Variants in MMP26 observed in about 807,000 individuals in gnomAD.
The protein encoded by MMP26 is matrix metalloproteinase-26.
In MMP26, 33 loss-of-function variants were observed where a neutral mutation model predicts 31.0. That is an observed-to-expected ratio of 1.06 (90% CI 0.81 to 1.42). MMP26 has a LOEUF of 1.42. Among genes scored for constraint, MMP26 ranks in the 40% most tolerant of loss-of-function variants. MMP26 has a pLI of 0.00. For synonymous variants in MMP26, 122 were observed against 114.9 expected, an observed-to-expected ratio of 1.06 and a Z score of -0.40; for missense variants, 347 against 316.1, an observed-to-expected ratio of 1.10 and a Z score of -0.74.
intron 2 of MMP26, among the ~76,000 whole-genome samples, chr11:4,935,626 G>A (rs1314512985): frequency 6.6e-6 from 1 of 152,004 alleles, no homozygotes; most frequent in Non-Finnish European, 1.5e-5. Flanking sequence ...GAATAGGAGT[G>A]GTGAGAGAGG....
intron 2 of MMP26, among the ~76,000 whole-genome samples, chr11:4,834,368 A>G (rs1195052567): frequency 6.6e-6 from 1 of 152,140 alleles, no homozygotes; most frequent in Non-Finnish European, 1.5e-5. Context: ...ACTTTATGGC[A>G]TTGTGAATGG....
intron 2 of MMP26, among the ~76,000 whole-genome samples, chr11:4,900,464 A>G (rs924553946): frequency 8.5e-5 from 13 of 152,308 alleles, no homozygotes; most frequent in Middle Eastern, 6.8e-3. Flanking sequence ...TATTTAGTAG[A>G]AAGAGAAGTT....
chr11:4,860,131 T>A (rs1229198247), intron 2 of MMP26: 2 of 471,154 alleles, frequency 4.2e-6, no homozygotes, highest in South Asian at 3.1e-5. Flanking sequence ...TATTCCAGTC[T>A]TTCGAATAAC....
rs148799066 is a variant in MMP26, at chr11:4,974,177, T to G, written c.-144-13891T>G. ...TACAAGGACTACTGATCAACTGAGA[T>G]AATTATACAGGCGAACATTATCCAA... On this transcript the variant is annotated intron_variant, in intron 2 of 7. Transcript: ENST00000380390. Among the ~76,000 whole-genome samples the G allele has an allele frequency of 2.0e-4, 30 of 152,202 alleles. No individual in the cohort carries two copies. The East Asian group carries it at 5.6e-3, about 28-fold the overall frequency.
intron 2 of MMP26, among the ~76,000 whole-genome samples, chr11:4,782,124 G>T (rs1848872754): frequency 6.6e-6 from 1 of 152,224 alleles, no homozygotes; most frequent in Non-Finnish European, 1.5e-5. Context: ...AAATATGGAA[G>T]TGACTTTGGA....
intron 2 of MMP26, among the ~76,000 whole-genome samples, chr11:4,873,741 A>T (rs917458408): frequency 6.6e-6 from 1 of 151,976 alleles, no homozygotes; most frequent in African/African-American, 2.4e-5. Flanking sequence ...CCTGGTGCTT[A>T]TCTAAGTGCT....
At chr11:4,814,516 A>G (rs1364710887) in intron 2 of MMP26, among the ~76,000 whole-genome samples, 1 of 152,210 alleles carries the variant, frequency 6.6e-6, no homozygotes, top group African/African-American at 2.4e-5. Flanking sequence ...ATGCTTTAAT[A>G]TAATTTGGAG....
intron 2 of MMP26, chr11:4,804,476 A>T (rs1271952655): frequency 1.1e-6 from 1 of 949,626 alleles, no homozygotes; most frequent in South Asian, 1.3e-5. Flanking sequence ...AGGCTTTTGG[A>T]TGGGACTATT....
At chr11:4,892,532 T>C (rs1850640056) in intron 2 of MMP26, among the ~76,000 whole-genome samples, 1 of 152,200 alleles carries the variant, frequency 6.6e-6, no homozygotes, top group Non-Finnish European at 1.5e-5. Flanking sequence ...GTCAGGCCGA[T>C]CTTGATATTT....
chr11:4,776,066 G>A (rs192956061), intron 2 of MMP26, among the ~76,000 whole-genome samples: 2 of 152,168 alleles, frequency 1.3e-5, no homozygotes. Context: ...TTATTTCTGA[G>A]TTGCTTCTCT....
intron 2 of MMP26, among the ~76,000 whole-genome samples, chr11:4,774,328 G>A (rs1488523254): frequency 1.3e-5 from 2 of 152,106 alleles, no homozygotes; most frequent in African/African-American, 2.4e-5. Flanking sequence ...TCTGACTGGT[G>A]TGAGATGGTA....
intron 2 of MMP26, chr11:4,848,010 T>A: frequency 2.0e-6 from 1 of 511,316 alleles, no homozygotes; most frequent in South Asian, 3.4e-5. Context: ...CTCTGGCCCT[T>A]CCTATGTCAT....
intron 1 of MMP26, chr11:4,723,169 C>T: frequency 1.3e-6 from 2 of 1,596,980 alleles, no homozygotes; most frequent in South Asian, 2.2e-5. Context: ...CCCCACGCTG[C>T]TCGGCATCTG....
intron 2 of MMP26, among the ~76,000 whole-genome samples, chr11:4,922,544 C>G (rs1411383158): frequency 2.0e-5 from 3 of 152,058 alleles, no homozygotes; most frequent in Non-Finnish European, 2.9e-5. Flanking sequence ...CAAAATACAC[C>G]AAGAAAGAAA....
chr11:4,765,656 C>T (rs1056859188), intron 1 of MMP26, among the ~76,000 whole-genome samples: 2 of 152,152 alleles, frequency 1.3e-5, no homozygotes, highest in Admixed American at 6.5e-5. Flanking sequence ...TCCTCATATG[C>T]GTGGGTAGCC....
At chr11:4,848,990 CAAG>C (rs1271084206) in intron 2 of MMP26, 2 of 1,613,966 alleles carry the variant, frequency 1.2e-6, no homozygotes, top group African/African-American at 2.7e-5. Flanking sequence ...ACACACTAAG[CAAG>C]AAGAGGAAGA....
chr11:4,727,799 A>G (rs1589884921), intron 1 of MMP26, among the ~76,000 whole-genome samples: 1 of 152,234 alleles, frequency 6.6e-6, no homozygotes, highest in African/African-American at 2.4e-5. Flanking sequence ...ACAGAGCAAG[A>G]CTGTGTCTCA....
At chr11:4,747,313 G>T (rs1589889722) in intron 1 of MMP26, among the ~76,000 whole-genome samples, 3 of 152,186 alleles carry the variant, frequency 2.0e-5, no homozygotes, top group Admixed American at 6.5e-5. Flanking sequence ...TGGGTAATGA[G>T]CAAGTTTCTT....
At chr11:4,861,180 T>A (rs1314267757) in intron 2 of MMP26, among the ~76,000 whole-genome samples, 1 of 149,974 alleles carries the variant, frequency 6.7e-6, no homozygotes, top group Non-Finnish European at 1.5e-5. Context: ...ATATATGTAT[T>A]TAGAAGTATA....
Sources: allele counts gnomAD v4.1 joint callset (sites outside exome capture counted in the v4.1 genomes callset), GRCh38; gene constraint gnomAD v4.1.1; transcripts MANE v1.5; gene names NCBI Gene and HGNC (gene_info 2026-07-23, HGNC 2026-07-21).